The following NCOA7 variants were observed in gnomAD, a reference collection of about 807,000 sequenced individuals.
NCOA7 encodes the protein nuclear receptor coactivator 7.
In NCOA7, 45 loss-of-function variants were observed where a neutral mutation model predicts 104.3. The observed-to-expected ratio is 0.43, with a 90% CI of 0.34 to 0.55. The LOEUF (loss-of-function observed/expected upper bound fraction) is 0.55. NCOA7 is among the 20% of genes least tolerant of loss of function. The pLI is 0.02. For missense variants in NCOA7, 1,041 were observed against 1,119.7 expected, an observed-to-expected ratio of 0.93 and a Z score of 1.00; for synonymous variants, 398 against 402.3, an observed-to-expected ratio of 0.99 and a Z score of 0.13.
rs59933115 is a variant in NCOA7 at position 125,830,761 on chromosome 6, A to ATGTGTGTGTG, written c.50+15369_50+15378dup. Among the ~76,000 whole-genome samples, 671 of 144,080 alleles carry ATGTGTGTGTG rather than the reference A, an allele frequency of 4.7e-3. 3 individuals carry two copies. Among genetic ancestry groups the ATGTGTGTGTG allele is most frequent in the Non-Finnish European group, 6.2e-3 (412 of 66,390 alleles). The allele number at this position is 144,080 out of a possible 152,430, so 94.5% of individuals were successfully genotyped here. ...TATGTGTGTGTGTGTGTGTGTGTGT[A>ATGTGTGTGTG]TGTGTGTGTGTGTGTGTGTGTATAG... On this transcript the variant is annotated intron_variant, in intron 2 of 15. Transcript: ENST00000392477.
chr6:125,918,877 T>C (rs1348445473), intron 11 of NCOA7, among the ~76,000 whole-genome samples: 1 of 151,922 alleles, frequency 6.6e-6, no homozygotes, highest in Admixed American at 6.6e-5. Context: ...TCCTTTGAGA[T>C]TCAAGCTTAT....
At chr6:125,833,975 A>C (rs372281035) in intron 2 of NCOA7, among the ~76,000 whole-genome samples, 1 of 152,176 alleles carries the variant, frequency 6.6e-6, no homozygotes, top group Admixed American at 6.5e-5. Context: ...AATAGAATTT[A>C]AAAAAATTGT....
intron 2 of NCOA7, among the ~76,000 whole-genome samples, chr6:125,836,586 A>T (rs369984689): frequency 7.2e-5 from 11 of 152,226 alleles, no homozygotes; most frequent in African/African-American, 2.7e-4. Context: ...GCCAAAATAA[A>T]GTCCAGCTGA....
At chr6:125,897,287 A>G (rs536458564) in intron 10 of NCOA7, among the ~76,000 whole-genome samples, 13 of 152,342 alleles carry the variant, frequency 8.5e-5, no homozygotes, top group African/African-American at 3.1e-4. Flanking sequence ...CTTTTTAAGA[A>G]ATGGTACCTT....
At chr6:125,876,906 T>G (rs868760685) in intron 4 of NCOA7, among the ~76,000 whole-genome samples, 11 of 152,200 alleles carry the variant, frequency 7.2e-5, no homozygotes, top group African/African-American at 2.7e-4. Flanking sequence ...ATTCTACATG[T>G]ATGTCTTGTC....
At chr6:125,836,779 T>TACTAAAA (rs1157570715) in intron 2 of NCOA7, among the ~76,000 whole-genome samples, 1 of 152,192 alleles carries the variant, frequency 6.6e-6, no homozygotes, top group East Asian at 1.9e-4. Flanking sequence ...ACCTTGCCTT[T>TACTAAAA]TATCAACAAC....
At chr6:125,847,113 T>A (rs541373810) in intron 2 of NCOA7, among the ~76,000 whole-genome samples, 2 of 152,334 alleles carry the variant, frequency 1.3e-5, no homozygotes, top group East Asian at 3.9e-4. Context: ...ATTCAAAATG[T>A]ACAAATGAGA....
chr6:125,852,377 G>T (rs1283899235), intron 2 of NCOA7, among the ~76,000 whole-genome samples: 2 of 152,100 alleles, frequency 1.3e-5, no homozygotes, highest in African/African-American at 4.8e-5. Flanking sequence ...TGTATCTTTA[G>T]TAGAGATGGG....
At chr6:125,830,761 ATGTGTGTGTGTG>A (rs59933115) in intron 2 of NCOA7, among the ~76,000 whole-genome samples, 14 of 144,092 alleles carry the variant, frequency 9.7e-5, no homozygotes, top group African/African-American at 3.4e-4. Context: ...GTGTGTGTGT[ATGTGTGTGTGTG>A]TGTGTGTGTA....
chr6:125,823,543 C>A (rs568567299), intron 2 of NCOA7, among the ~76,000 whole-genome samples: 1 of 152,238 alleles, frequency 6.6e-6, no homozygotes, highest in East Asian at 1.9e-4. Flanking sequence ...TCAGACCAGG[C>A]AACTCTTAAG....
chr6:125,930,064 C>T lies in NCOA7; in HGVS notation c.*1293C>T, dbSNP rs903324058. The stretch of plus-strand genomic sequence containing the variant: ...TTTTCACATCATAAAACATCTATTA[C>T]ATAAAATAAAGGTCCAGGCATAGTG... On this transcript the variant is annotated 3_prime_UTR_variant, in exon 16 of 16. Coordinates refer to ENST00000392477, the MANE Select transcript of NCOA7 (RefSeq NM_181782.5). The T allele has an allele frequency of 6.6e-5, 10 of 152,096 alleles. No individual in the cohort carries two copies. Among genetic ancestry groups the T allele is most frequent in the Non-Finnish European group, 1.2e-4 (8 of 68,012 alleles). The allele number at this position is 152,096 out of a possible 1,614,324, so 9.4% of individuals were successfully genotyped here.
At chr6:125,857,686 G>A (rs929711326) in intron 3 of NCOA7, among the ~76,000 whole-genome samples, 5 of 151,910 alleles carry the variant, frequency 3.3e-5, no homozygotes, top group South Asian at 2.1e-4. Context: ...TCAGCCTCTC[G>A]AGTAGCTGGG....
chr6:125,908,411 A>G (rs531441865), intron 10 of NCOA7, among the ~76,000 whole-genome samples: 2 of 152,300 alleles, frequency 1.3e-5, no homozygotes, highest in African/African-American at 4.8e-5. Flanking sequence ...TAAAATGGTT[A>G]TGGCAAGACC....
rs755782199 is a variant in NCOA7 at position 125,855,251 on chromosome 6, A to G, written c.271+11A>G. On this transcript the variant is annotated intron_variant, in intron 3 of 15. Transcript: ENST00000392477. ...GATATTATAGTATTGGTGAGTATTC[A>G]TGGCGTTACTGCAGTATTTTCATTT... 2 of 1,564,862 alleles carry G rather than the reference A, an allele frequency of 1.3e-6. No individual in the cohort carries two copies. The highest frequency in any genetic ancestry group is 1.1e-5 in the South Asian group (1 of 88,562).
chr6:125,828,850 A>G (rs1043030153), intron 2 of NCOA7, among the ~76,000 whole-genome samples: 2 of 152,112 alleles, frequency 1.3e-5, no homozygotes, highest in Non-Finnish European at 2.9e-5. Context: ...TGACCTCACT[A>G]TGGTATTAGT....
intron 2 of NCOA7, among the ~76,000 whole-genome samples, chr6:125,841,542 G>C (rs992308869): frequency 1.3e-5 from 2 of 151,942 alleles, no homozygotes; most frequent in South Asian, 4.1e-4. Flanking sequence ...TTAAGAGCGT[G>C]ATCAAGACCG....
At chr6:125,900,058 A>G in intron 10 of NCOA7, 2 of 532,838 alleles carry the variant, frequency 3.8e-6, no homozygotes, top group Non-Finnish European at 7.7e-6. Context: ...GCAAACCTAA[A>G]TGCCTGCAGG....
intron 10 of NCOA7, among the ~76,000 whole-genome samples, chr6:125,896,524 G>A (rs895427125): frequency 1.2e-4 from 19 of 152,062 alleles, no homozygotes; most frequent in Non-Finnish European, 2.2e-4. Context: ...GGCGTGGTAC[G>A]TCATGCCTGT....
intron 10 of NCOA7, among the ~76,000 whole-genome samples, chr6:125,912,103 T>C (rs893979041): frequency 2.0e-5 from 3 of 152,192 alleles, no homozygotes; most frequent in African/African-American, 7.2e-5. Flanking sequence ...AATCGAGGCT[T>C]TTCAGACCTT....
Sources: gnomAD v4.1 joint callset for allele counts (sites outside exome capture counted in the v4.1 genomes callset) on GRCh38, gnomAD v4.1.1 for gene constraint, MANE v1.5 for transcripts, NCBI Gene and HGNC (gene_info 2026-07-23, HGNC 2026-07-21) for gene names.